GPD2: variants seen among roughly 807,000 people sequenced by gnomAD.
The protein encoded by GPD2 is glycerol-3-phosphate dehydrogenase, mitochondrial.
Under a neutral mutation model 82.4 loss-of-function variants are expected in GPD2, and 54 were observed. The ratio of observed to expected loss-of-function variants is 0.66; its 90% CI spans 0.53 to 0.82. The LOEUF is 0.82. GPD2 is among the 40% of genes least tolerant of loss of function. The pLI, the probability that GPD2 is intolerant of heterozygous loss-of-function variation, is 0.00. For synonymous variants in GPD2, 288 were observed against 306.1 expected, an observed-to-expected ratio of 0.94 and a Z score of 0.62; for missense variants, 748 against 896.2, an observed-to-expected ratio of 0.83 and a Z score of 2.11.
chr2:156,485,563 C>T (rs1475777136), intron 2 of GPD2, among the ~76,000 whole-genome samples: 1 of 152,236 alleles, frequency 6.6e-6, no homozygotes, highest in Non-Finnish European at 1.5e-5. Context: ...ACATGTCAAA[C>T]TTGTGTATTA....
intron 2 of GPD2, among the ~76,000 whole-genome samples, chr2:156,487,135 A>C (rs1417023885): frequency 6.6e-6 from 1 of 151,870 alleles, no homozygotes; most frequent in African/African-American, 2.4e-5. Flanking sequence ...GCAAAACCCC[A>C]CCTCTACTAA....
the GPD2 span, among the ~76,000 whole-genome samples, chr2:156,420,523 T>C: frequency 6.6e-6 from 1 of 152,224 alleles, no homozygotes; most frequent in Non-Finnish European, 1.5e-5. Context: ...AACTAGATAA[T>C]GTTAAATAAA....
At chr2:156,402,696 GAA>G in the GPD2 span, among the ~76,000 whole-genome samples, 1 of 151,858 alleles carries the variant, frequency 6.6e-6, no homozygotes, top group African/African-American at 2.4e-5. Context: ...TTATTGGAGA[GAA>G]GAGAGAGGTG....
intron 2 of GPD2, among the ~76,000 whole-genome samples, chr2:156,492,426 T>G (rs1684215085): frequency 6.6e-6 from 1 of 151,170 alleles, no homozygotes; most frequent in South Asian, 2.1e-4. Context: ...GTGCTGGGAG[T>G]GAGCCACTGC....
At chr2:156,466,468 T>A (rs768967804) in intron 1 of GPD2, among the ~76,000 whole-genome samples, 10 of 152,210 alleles carry the variant, frequency 6.6e-5, no homozygotes, top group Non-Finnish European at 1.3e-4. Flanking sequence ...AGGGTCAAAT[T>A]TGTGACTATA....
chr2:156,426,494 A>G, the GPD2 span, among the ~76,000 whole-genome samples: 2 of 152,206 alleles, frequency 1.3e-5, no homozygotes, highest in African/African-American at 2.4e-5. Context: ...CCCTTAACAC[A>G]TGGGAATTAT....
the GPD2 span, among the ~76,000 whole-genome samples, chr2:156,419,190 G>A: frequency 6.6e-6 from 1 of 150,866 alleles, no homozygotes; most frequent in Non-Finnish European, 1.5e-5. Context: ...CCCCCAAGTA[G>A]CTGAGATTAC....
At chr2:156,503,296 A>G (rs983793867) in intron 3 of GPD2, among the ~76,000 whole-genome samples, 7 of 152,128 alleles carry the variant, frequency 4.6e-5, no homozygotes, top group African/African-American at 1.7e-4. Flanking sequence ...TGGAACTGAG[A>G]TCTTGATTGC....
Position 156,551,265 on chromosome 2 carries a change from G to A in GPD2, c.971+519G>A, listed in dbSNP as rs536218318. Among the ~76,000 whole-genome samples the A allele has an allele frequency of 9.0e-4, 137 of 152,270 alleles. 2 individuals are homozygous for A. The South Asian group carries it at 0.028, about 31-fold the overall frequency. ...ATCTATCAAATTAACAAAGATAATT[G>A]AGGATGAAGAAATGGGCAGGAGTAG... is the stretch of plus-strand genomic sequence containing the variant. On this transcript the variant is annotated intron_variant, in intron 8 of 16. Transcript: ENST00000438166.
intron 6 of GPD2, among the ~76,000 whole-genome samples, chr2:156,535,855 C>G (rs1686057469): frequency 6.6e-6 from 1 of 152,060 alleles, no homozygotes; most frequent in South Asian, 2.1e-4. Context: ...GTGAAGAATG[C>G]CTGGTGCATG....
intron 6 of GPD2, among the ~76,000 whole-genome samples, chr2:156,540,711 A>G (rs967843523): frequency 1.3e-5 from 2 of 152,236 alleles, no homozygotes; most frequent in African/African-American, 4.8e-5. Flanking sequence ...CCATTTTCCT[A>G]TCAACACTGT....
chr2:156,450,687 C>A (rs298237), intron 1 of GPD2, among the ~76,000 whole-genome samples: 87,974 of 90,672 alleles, frequency 0.97, 42,744 homozygotes, highest in South Asian at 1. Context: ...TTTTTTATTG[C>A]TCATTCTTGG....
chr2:156,566,881 TTTTG>T (rs1465460451), intron 9 of GPD2, among the ~76,000 whole-genome samples: 2 of 152,072 alleles, frequency 1.3e-5, no homozygotes, highest in African/African-American at 4.8e-5. Context: ...TTCTGTTTCG[TTTTG>T]TTTTTGTTTG....
the GPD2 span, among the ~76,000 whole-genome samples, chr2:156,416,001 A>G: frequency 1.4e-4 from 14 of 98,010 alleles, 2 homozygotes; most frequent in South Asian, 4.4e-3. Context: ...AGCCTGGGCG[A>G]CAGAGCGAGA....
At chr2:156,404,686 CAAAAAAAAAAA>C in the GPD2 span, among the ~76,000 whole-genome samples, 31 of 64,386 alleles carry the variant, frequency 4.8e-4, no homozygotes, top group Admixed American at 1.6e-3. Context: ...TTAAAAATAC[CAAAAAAAAAAA>C]AAAAAAAAAA....
At chr2:156,579,581 C>T (rs1687955246) in intron 15 of GPD2, 109 bp from the exon 16 acceptor site, 1 of 697,402 alleles carries the variant, frequency 1.4e-6, no homozygotes, top group East Asian at 2.8e-5. Flanking sequence ...ATCTGCCTGC[C>T]TTGGCCTCCC....
At chr2:156,497,632 G>T (rs1684433296) in intron 3 of GPD2, among the ~76,000 whole-genome samples, 1 of 152,022 alleles carries the variant, frequency 6.6e-6, no homozygotes, top group South Asian at 2.1e-4. Context: ...GAAATGAAAT[G>T]AATTTAATGA....
intron 1 of GPD2, among the ~76,000 whole-genome samples, chr2:156,456,880 G>C (rs760705210): frequency 6.6e-6 from 1 of 152,118 alleles, no homozygotes. Context: ...TGGTTAGCAA[G>C]CTCTGTGGTT....
chr2:156,454,469 A>G (rs1682719581), intron 1 of GPD2, among the ~76,000 whole-genome samples: 1 of 149,144 alleles, frequency 6.7e-6, no homozygotes, highest in African/African-American at 2.5e-5. Context: ...CAGCCAGGGC[A>G]ACATAGTGAG....
Sources: gnomAD v4.1 joint callset for allele counts (sites outside exome capture counted in the v4.1 genomes callset) on GRCh38, gnomAD v4.1.1 for gene constraint, MANE v1.5 for transcripts, NCBI Gene and HGNC (gene_info 2026-07-23, HGNC 2026-07-21) for gene names.